COL11A2: variants seen among roughly 807,000 people sequenced by gnomAD.
The protein encoded by COL11A2 is collagen type XI alpha 2 chain.
A neutral mutation model predicts 273.4 loss-of-function variants in COL11A2; 116 were observed. The observed-to-expected ratio is 0.42, with a 90% CI of 0.36 to 0.49. COL11A2 has a LOEUF of 0.49. Ranked by LOEUF, COL11A2 falls within the 20% of genes least tolerant of loss-of-function variation. The pLI is 0.00. For missense variants in COL11A2, 1,866 were observed against 2,309.0 expected, an observed-to-expected ratio of 0.81 and a Z score of 3.93; for synonymous variants, 782 against 864.2, an observed-to-expected ratio of 0.90 and a Z score of 1.67.
Position 33,169,713 on chromosome 6 carries a change from G to T in COL11A2, c.3690+118C>A. On this transcript the variant is annotated intron_variant, in intron 50 of 65. Transcript: ENST00000341947. This position sits in a 1 kb window ranked among gnomAD's most constrained non-coding sequence, Gnocchi z 5.5. ...GGATCAGGCCTCATAGAGGATGGCA[G>T]GGAGCAGAGACTCTTGCTGCAGAGG... 1 of 1,308,500 alleles carries T rather than the reference G, an allele frequency of 7.6e-7. No homozygotes were observed. The highest frequency in any genetic ancestry group is 1.1e-6 in the Non-Finnish European group (1 of 902,310). 81.1% of individuals were successfully genotyped at this position (1,308,500 alleles called of 1,614,324 possible).
chr6:33,186,434 C>G, intron 5 of COL11A2, 193 bp downstream of exon 5: 1 of 1,440,714 alleles, frequency 6.9e-7, no homozygotes, highest in East Asian at 2.5e-5. Context: ...AACACAGCTC[C>G]CAGCCACAAA....
At chr6:33,174,495 G>A (rs1280759269) in intron 31 of COL11A2, 32 bp downstream of exon 31, 1 of 1,610,854 alleles carries the variant, frequency 6.2e-7, no homozygotes, top group South Asian at 1.1e-5. Flanking sequence ...GGAGGGAAGA[G>A]GAGGAGGGGC....
chr6:33,186,946 TC>T, intron 4 of COL11A2, 128 bp from the exon 5 acceptor site: 1 of 1,214,158 alleles, frequency 8.2e-7, no homozygotes, highest in East Asian at 2.3e-5. Context: ...CTGTCAGTCC[TC>T]CATATGCATA....
upstream of COL11A2, among the ~76,000 whole-genome samples, chr6:33,193,379 C>A (rs913727430): frequency 1.4e-5 from 2 of 147,364 alleles, no homozygotes; most frequent in South Asian, 2.2e-4. Flanking sequence ...ACCGCCCCCC[C>A]TTCCTCCTCC....
At position 33,164,107 on chromosome 6, in the gene COL11A2, C is replaced by G. The variant is rs1278554816; in HGVS notation, c.5070+160G>C. ...ACCCGATGGCTTCCATCCTTTCCAC[C>G]TTCCTCACCGGCTTTTGAGCTCCCT... On this transcript the variant is annotated intron_variant, in intron 65 of 65. Coordinates refer to ENST00000341947, the MANE Select transcript of COL11A2 (RefSeq NM_080680.3). The surrounding 1 kb of genome is among the most constrained non-coding windows in gnomAD (Gnocchi z 4.7). Among the ~76,000 whole-genome samples the G allele has an allele frequency of 6.6e-6, 1 of 152,164 alleles. No individual in the cohort carries two copies. The highest frequency in any genetic ancestry group is 1.5e-5 in the Non-Finnish European group (1 of 68,030).
rs1256729548 is a variant in COL11A2 at position 33,164,637 on chromosome 6, G to T, written c.4864-164C>A. 6.6e-6 allele frequency among the ~76,000 whole-genome samples: 1 copy of T among 152,140 alleles called. No homozygotes were observed. Among genetic ancestry groups the T allele is most frequent in the East Asian group, 1.9e-4 (1 of 5,186 alleles). ...AGGGCTGGGAAAGAAGTGAGGGGCT[G>T]AGTGGGAGCCAGGAGACTGGGGGTA... On this transcript the variant is annotated intron_variant, in intron 64 of 65. Transcript: ENST00000341947. This position sits in a 1 kb window ranked among gnomAD's most constrained non-coding sequence, Gnocchi z 4.7.
At position 33,177,436 on chromosome 6, in the gene COL11A2, T is replaced by C. The variant is rs1771080579; in HGVS notation, c.1947A>G (p.Gly649=). Residue 649 remains glycine, a synonymous_variant, in exon 23 of 66, where the codon GGA becomes GGG. Transcript: ENST00000341947. This position sits in a 1 kb window ranked among gnomAD's most constrained non-coding sequence, Gnocchi z 5.9. ...CCTGGGTCCCAGGGGTGCCCTGTTG[T>C]CCAGGAGGTCCTGGCTCTCCCTGGG... The part of the protein sequence containing the change: ...LGPQGEPGPP[G]QQGTPGTQGL... 1 of 1,612,914 alleles carries C rather than the reference T, an allele frequency of 6.2e-7. No homozygotes were observed. Among genetic ancestry groups the C allele is most frequent in the African/African-American group, 1.3e-5 (1 of 75,024 alleles).
rs118107161 is a variant in COL11A2, at chr6:33,176,144, G to C, written c.2215-75C>G. 2.0e-3 allele frequency: 3,246 copies of C among 1,607,430 alleles called. 231 individuals carry two copies. The East Asian group carries it at 0.03, about 15-fold the overall frequency. On this transcript the variant is annotated intron_variant, in intron 28 of 65. Coordinates refer to ENST00000341947, the MANE Select transcript of COL11A2 (RefSeq NM_080680.3). This position sits in a 1 kb window ranked among gnomAD's most constrained non-coding sequence, Gnocchi z 4.9. Reference sequence around the variant, plus strand: ...TTCTAATGGGAATTCTGAGAACATAGGTGGAAGCAGGGGCTCGGGAGCTGG... The same window carrying C: ...TTCTAATGGGAATTCTGAGAACATACGTGGAAGCAGGGGCTCGGGAGCTGG...
chr6:33,167,057 G>A lies in COL11A2; in HGVS notation c.4230+13C>T, dbSNP rs200051654. The A allele has an allele frequency of 6.2e-6, 10 of 1,613,246 alleles. No individual in the cohort carries two copies. Among genetic ancestry groups the A allele is most frequent in the Middle Eastern group, 1.8e-4 (1 of 5,474 alleles). ...GGGAGAGACACCTGGCCACGTGTCTGTCTGTCACTCACCTTCTCTCCCTTG... is the reference window on the plus strand; with the variant it reads ...GGGAGAGACACCTGGCCACGTGTCTATCTGTCACTCACCTTCTCTCCCTTG... On this transcript the variant is annotated intron_variant, in intron 58 of 65. Transcript: ENST00000341947. The surrounding 1 kb of genome is among the most constrained non-coding windows in gnomAD (Gnocchi z 6.1).
chr6:33,185,052 G>A lies in COL11A2; in HGVS notation c.879C>T (p.Asp293=). The change falls in exon 7 of 66, where the codon GAC becomes GAT. Residue 293 remains aspartate, a splice_region_variant and synonymous_variant. Coordinates refer to ENST00000341947, the MANE Select transcript of COL11A2 (RefSeq NM_080680.3). ...TTTCTTCCTCTTCACCTGGGGTGGG[G>A]TCCTGACCCCAAGGAGAGAAGGAGA... The part of the protein sequence containing the change: ...MTTGTTPDYQ[D]PTPGEEEEIL... 1 of 1,551,130 alleles carries A rather than the reference G, an allele frequency of 6.4e-7. No homozygotes were observed. The highest frequency in any genetic ancestry group is 1.2e-5 in the South Asian group (1 of 84,042).
At position 33,177,502 on chromosome 6, in the gene COL11A2, T is replaced by TG; in HGVS notation, c.1918-38dup. ...TGACCAGGCACAGGTCAGAAGGAGA[T>TG]GGAGATAGAACACATTTAGAGCATG... On this transcript the variant is annotated intron_variant, in intron 22 of 65. Coordinates refer to ENST00000341947, the MANE Select transcript of COL11A2 (RefSeq NM_080680.3). The surrounding 1 kb of genome is among the most constrained non-coding windows in gnomAD (Gnocchi z 5.9). The TG allele has an allele frequency of 6.2e-7, 1 of 1,609,566 alleles. No individual in the cohort carries two copies. The highest frequency in any genetic ancestry group is 8.5e-7 in the Non-Finnish European group (1 of 1,177,410).
In COL11A2 at chr6:33,172,607, C is replaced by T. The variant is rs753595762; in HGVS notation, c.2821G>A (p.Glu941Lys). ...CCCGGGGGGCCTGGGTGACCTCTCT[C>T]CCCCATAGGGCCGGTTTCTCCTGCT... Reference protein sequence around the residue: ...GAAGETGPMGERGHPGPPGPP... With the variant: ...GAAGETGPMGKRGHPGPPGPP... Residue 941 changes from glutamate (E) to lysine (K), a missense_variant, in exon 39 of 66, where the codon GAG becomes AAG. Physicochemically the swap from Glu to Lys is moderately conservative, Grantham distance 56. Transcript: ENST00000341947. 3.7e-6 allele frequency: 6 copies of T among 1,612,566 alleles called. No individual in the cohort carries two copies. Among genetic ancestry groups the T allele is most frequent in the Non-Finnish European group, 5.1e-6 (6 of 1,179,888 alleles).
Position 33,178,513 on chromosome 6 carries a change from A to T in COL11A2, c.1720-25T>A. ...CCTGCAAAATGGGGGAACTCATAAG[A>T]GGGGCTTCAGAGCCCCCAACACAGG... On this transcript the variant is annotated intron_variant, in intron 18 of 65. Coordinates refer to ENST00000341947, the MANE Select transcript of COL11A2 (RefSeq NM_080680.3). This position sits in a 1 kb window ranked among gnomAD's most constrained non-coding sequence, Gnocchi z 4.6. The T allele has an allele frequency of 6.2e-7, 1 of 1,612,796 alleles. No individual in the cohort carries two copies. Among genetic ancestry groups the T allele is most frequent in the Non-Finnish European group, 8.5e-7 (1 of 1,179,884 alleles).
chr6:33,166,243 A>C lies in COL11A2; in HGVS notation c.4393-37T>G, dbSNP rs185013074. On this transcript the variant is annotated intron_variant, in intron 60 of 65. Coordinates refer to ENST00000341947, the MANE Select transcript of COL11A2 (RefSeq NM_080680.3). The surrounding 1 kb of genome is among the most constrained non-coding windows in gnomAD (Gnocchi z 4.8). The stretch of plus-strand genomic sequence containing the variant: ...GGAACAAGAAAGAGACGGTCACTGC[A>C]GGGGAAGGACAGGACTCAGAGGAGC... 9 of 1,584,340 alleles carry C rather than the reference A, an allele frequency of 5.7e-6. No individual in the cohort carries two copies. The East Asian group carries it at 2.0e-4, about 36-fold the overall frequency.
Position 33,166,426 on chromosome 6 carries a change from G to T in COL11A2, c.4392+87C>A. The T allele has an allele frequency of 6.7e-7, 1 of 1,481,486 alleles. No homozygotes were observed. The highest frequency in any genetic ancestry group is 9.3e-7 in the Non-Finnish European group (1 of 1,076,376). The allele number at this position is 1,481,486 out of a possible 1,614,324, so 91.8% of individuals were successfully genotyped here. A position where few individuals can be genotyped will look rare whatever the true frequency, so the allele number is the denominator to read the frequency against. ...CCCTGAGGACTATGCTTGTTAGGCT[G>T]GTAGTTCCATGGAAGTCGTTGGGAG... On this transcript the variant is annotated intron_variant, in intron 60 of 65. Transcript: ENST00000341947. The surrounding 1 kb of genome is among the most constrained non-coding windows in gnomAD (Gnocchi z 4.8).
Position 33,163,605 on chromosome 6 carries a change from G to A in COL11A2, c.*73C>T. On this transcript the variant is annotated 3_prime_UTR_variant, in exon 66 of 66. Coordinates refer to ENST00000341947, the MANE Select transcript of COL11A2 (RefSeq NM_080680.3). This position sits in a 1 kb window ranked among gnomAD's most constrained non-coding sequence, Gnocchi z 4.1. ...AGATAGTGAGGAGCCCTCTTGGGAG[G>A]TGGCACAGAGCTGATGTTGTGGGAT... 6.2e-7 allele frequency: 1 copy of A among 1,609,246 alleles called. No homozygotes were observed.
intron 3 of COL11A2, 77 bp downstream of exon 3, chr6:33,188,901 G>A: frequency 6.6e-7 from 1 of 1,511,778 alleles, no homozygotes; most frequent in Non-Finnish European, 9.2e-7. Flanking sequence ...GGGTTTCACA[G>A]TTTAGAGTGT....
In COL11A2 at chr6:33,170,113, C is replaced by G. The variant is rs1451382406; in HGVS notation, c.3583-13G>C. Reference sequence around the variant, plus strand: ...GACCTTGTGGGCCCTGGAAGAGGAACAGAAATAGGTGTCATTGCTTAGGAT... The same window carrying G: ...GACCTTGTGGGCCCTGGAAGAGGAAGAGAAATAGGTGTCATTGCTTAGGAT... On this transcript the variant is annotated splice_polypyrimidine_tract_variant and intron_variant, in intron 48 of 65. Transcript: ENST00000341947. This position sits in a 1 kb window ranked among gnomAD's most constrained non-coding sequence, Gnocchi z 4.3. 3 of 1,612,944 alleles carry G rather than the reference C, an allele frequency of 1.9e-6. No homozygotes were observed. The Admixed American group carries it at 5.0e-5, about 27-fold the overall frequency.
chr6:33,176,574 A>G lies in COL11A2; in HGVS notation c.2116-88T>C. On this transcript the variant is annotated intron_variant, in intron 26 of 65. Transcript: ENST00000341947. This position sits in a 1 kb window ranked among gnomAD's most constrained non-coding sequence, Gnocchi z 4.9. ...GGGTGGAAGAAATGGAAGTAACAACATTGCTGTCTGGGTAGGGTTACGGGG... is the reference window on the plus strand; with the variant it reads ...GGGTGGAAGAAATGGAAGTAACAACGTTGCTGTCTGGGTAGGGTTACGGGG... 1 of 1,427,550 alleles carries G rather than the reference A, an allele frequency of 7.0e-7. No homozygotes were observed. Among genetic ancestry groups the G allele is most frequent in the Non-Finnish European group, 9.8e-7 (1 of 1,016,106 alleles). 88.4% of individuals were successfully genotyped at this position (1,427,550 alleles called of 1,614,324 possible).
Sources: allele counts gnomAD v4.1 joint callset (sites outside exome capture counted in the v4.1 genomes callset), GRCh38; gene constraint gnomAD v4.1.1; non-coding constraint Gnocchi (gnomAD v3.1); transcripts MANE v1.5; gene names NCBI Gene and HGNC (gene_info 2026-07-23, HGNC 2026-07-21).